Variants in HECW2 observed in about 807,000 individuals in gnomAD.
The protein encoded by HECW2 is E3 ubiquitin-protein ligase HECW2.
HECW2 carries 61 observed loss-of-function variants against 175.2 expected under a neutral mutation model. The observed-to-expected ratio is 0.35, with a 90% CI of 0.28 to 0.43. The LOEUF is 0.43. Ranked by LOEUF, HECW2 falls within the 20% of genes least tolerant of loss-of-function variation. The pLI is 1.00. For missense variants in HECW2, 1,524 were observed against 2,000.5 expected (o/e 0.76, Z 4.54); for synonymous variants, 671 against 731.0 (o/e 0.92, Z 1.32).
At chr2:196,490,846 G>A (rs2125386730) in intron 1 of HECW2, among the ~76,000 whole-genome samples, 1 of 151,686 alleles carries the variant, frequency 6.6e-6, no homozygotes, top group East Asian at 1.9e-4. Flanking sequence ...AGTGAAGAAA[G>A]CCAAAACCAA....
intron 21 of HECW2, among the ~76,000 whole-genome samples, chr2:196,233,346 G>C (rs1379700267): frequency 6.6e-6 from 1 of 152,136 alleles, no homozygotes; most frequent in Admixed American, 6.5e-5. Context: ...TCATCACATG[G>C]CTGGGTTGGC....
intron 7 of HECW2, among the ~76,000 whole-genome samples, chr2:196,321,656 G>A (rs947880398): frequency 6.6e-6 from 1 of 151,974 alleles, no homozygotes; most frequent in Non-Finnish European, 1.5e-5. Flanking sequence ...CACCTCGTCC[G>A]CTCAAAGTGC....
intron 1 of HECW2, among the ~76,000 whole-genome samples, chr2:196,518,697 A>C (rs896931381): frequency 2.0e-5 from 3 of 149,314 alleles, no homozygotes. Context: ...AGAATTCTGT[A>C]CTCTGAAGCT....
intron 1 of HECW2, among the ~76,000 whole-genome samples, chr2:196,534,779 C>T (rs1688961762): frequency 6.6e-6 from 1 of 152,182 alleles, no homozygotes; most frequent in Non-Finnish European, 1.5e-5. Context: ...CAAGATGCTG[C>T]TTGCTTTGCC....
chr2:196,487,109 A>G (rs1242042295), intron 1 of HECW2, among the ~76,000 whole-genome samples: 5 of 149,914 alleles, frequency 3.3e-5, no homozygotes, highest in African/African-American at 7.4e-5. Flanking sequence ...AGATCGCACC[A>G]CTGCACTCCA....
intron 21 of HECW2, among the ~76,000 whole-genome samples, chr2:196,237,814 A>T (rs1688308700): frequency 6.6e-6 from 1 of 152,206 alleles, no homozygotes; most frequent in South Asian, 2.1e-4. Context: ...TTTTTTCAAC[A>T]TACCCCACGA....
intron 1 of HECW2, among the ~76,000 whole-genome samples, chr2:196,443,967 G>A (rs1308361631): frequency 6.6e-6 from 1 of 152,156 alleles, no homozygotes; most frequent in Non-Finnish European, 1.5e-5. Context: ...CCTGAGAGGT[G>A]GTAGTGGCAG....
At chr2:196,271,373 C>G in intron 16 of HECW2, 84 bp from the exon 17 acceptor site, 1 of 953,546 alleles carries the variant, frequency 1.0e-6, no homozygotes, top group East Asian at 2.7e-5. Context: ...CTGTGTGCCC[C>G]ACCGGGTTCA....
rs747681637 is a variant in HECW2 at position 196,518,654 on chromosome 2, CAAAAA to C, written c.-36+74849_-36+74853del. On this transcript the variant is annotated intron_variant, in intron 1 of 28. Transcript: ENST00000644978. ...TAGGCAACAGAGCGAGATTCTGTCT[CAAAAA>C]AAAAAAAAAAAAAAAAAAACCCTTT... Among the ~76,000 whole-genome samples the C allele has an allele frequency of 2.0e-3, 157 of 77,420 alleles. 1 individual carries two copies. The highest frequency in any genetic ancestry group is 5.4e-3 in the African/African-American group (143 of 26,640). 50.8% of individuals were successfully genotyped at this position (77,420 alleles called of 152,430 possible). A position where few individuals can be genotyped will look rare whatever the true frequency, so the allele number is the denominator to read the frequency against.
In HECW2 at chr2:196,266,043, T is replaced by C. The variant is rs551571386; in HGVS notation, c.3335+5150A>G. Among the ~76,000 whole-genome samples, 80 of 152,052 alleles carry C rather than the reference T, an allele frequency of 5.3e-4. 1 individual carries two copies. Among genetic ancestry groups the C allele is most frequent in the African/African-American group, 1.8e-3 (75 of 41,502 alleles). ...ATGTGGTGTCAATAAATTATTTTAA[T>C]CAGGTGTCCAGGCACAGTGGCTCAT... On this transcript the variant is annotated intron_variant, in intron 17 of 28. Transcript: ENST00000644978.
chr2:196,592,162 A>G lies in HECW2; in HGVS notation c.-36+1346T>C, dbSNP rs116588606. ...CACACTTTCACAAAGGTATATATAT[A>G]CGAAAACAGTTTGCGTGAGTCTAGG... On this transcript the variant is annotated intron_variant, in intron 1 of 28. Coordinates refer to ENST00000644978, the MANE Select transcript of HECW2 (RefSeq NM_001348768.2). Among the ~76,000 whole-genome samples, 1,288 of 152,358 alleles carry G rather than the reference A, an allele frequency of 8.5e-3. 21 individuals carry two copies. Among genetic ancestry groups the G allele is most frequent in the African/African-American group, 0.028 (1,183 of 41,578 alleles).
rs144181608 is a variant in HECW2 at position 196,358,585 on chromosome 2, C to CAAAAAA, written c.293-14827_293-14822dup. 4.5e-4 allele frequency among the ~76,000 whole-genome samples: 30 copies of CAAAAAA among 67,356 alleles called. 1 individual carries two copies. The highest frequency in any genetic ancestry group is 1.5e-3 in the African/African-American group (24 of 15,834). The allele number at this position is 67,356 out of a possible 152,430, so 44.2% of individuals were successfully genotyped here. On this transcript the variant is annotated intron_variant, in intron 2 of 28. Transcript: ENST00000644978. The stretch of plus-strand genomic sequence containing the variant: ...TGGGAGACAGAGCAAGACTCTGTCT[C>CAAAAAA]AAAAAAAAAAAAAAAAAAAAAAAAA...
At chr2:196,495,976 T>C (rs764041622) in intron 1 of HECW2, among the ~76,000 whole-genome samples, 3 of 152,202 alleles carry the variant, frequency 2.0e-5, no homozygotes, top group Non-Finnish European at 4.4e-5. Context: ...GAGATGCCAC[T>C]GAAGGTTTTA....
At chr2:196,344,154 C>T (rs904102969) in intron 2 of HECW2, among the ~76,000 whole-genome samples, 3 of 151,866 alleles carry the variant, frequency 2.0e-5, no homozygotes, top group African/African-American at 7.3e-5. Context: ...GAGAATATAA[C>T]AGAATTCAAG....
intron 1 of HECW2, 65 bp downstream of exon 1, chr2:196,593,443 T>TGCCGGGCGTCCGCTCCAGCC (rs1444242405): frequency 6.6e-6 from 1 of 151,938 alleles, no homozygotes; most frequent in African/African-American, 2.4e-5. Flanking sequence ...CCCGCCCGGG[T>TGCCGGGCGTCCGCTCCAGCC]GCCGGGCGTC....
intron 6 of HECW2, among the ~76,000 whole-genome samples, chr2:196,323,890 C>A (rs768890453): frequency 1.4e-5 from 2 of 146,678 alleles, no homozygotes; most frequent in African/African-American, 5.1e-5. Flanking sequence ...AAGTGGCATG[C>A]CCTTAAGAGT....
intron 14 of HECW2, chr2:196,288,190 A>G (rs1248816855): frequency 6.6e-6 from 1 of 152,152 alleles, no homozygotes; most frequent in Non-Finnish European, 1.5e-5. Flanking sequence ...CAATGTGTCG[A>G]TCTGATTTCA....
rs1245458828 is a variant in HECW2 at position 196,317,979 on chromosome 2, T to C, written c.2338+573A>G. On this transcript the variant is annotated intron_variant, in intron 9 of 28. Transcript: ENST00000644978. ...ACCTAACTTAGTTGACATTCCTAAA[T>C]TGTAGAAGACAAAAACACTACCTTT... is the stretch of plus-strand genomic sequence containing the variant. Among the ~76,000 whole-genome samples the C allele has an allele frequency of 3.3e-5, 5 of 152,254 alleles. No individual in the cohort carries two copies. In the East Asian group the frequency reaches 9.6e-4, roughly 29 times the overall value.
chr2:196,338,799 G>C (rs1333614589), intron 3 of HECW2, among the ~76,000 whole-genome samples: 1 of 152,118 alleles, frequency 6.6e-6, no homozygotes, highest in Non-Finnish European at 1.5e-5. Context: ...CAAGCTAATC[G>C]TAATTTATTC....
Sources: allele counts gnomAD v4.1 joint callset (sites outside exome capture counted in the v4.1 genomes callset), GRCh38; gene constraint gnomAD v4.1.1; transcripts MANE v1.5; gene names NCBI Gene and HGNC (gene_info 2026-07-23, HGNC 2026-07-21).